MED13: variants seen among roughly 807,000 people sequenced by gnomAD.
MED13 encodes mediator of RNA polymerase II transcription subunit 13.
A neutral mutation model predicts 225.2 loss-of-function variants in MED13; 23 were observed. The ratio of observed to expected loss-of-function variants is 0.10; its 90% CI spans 0.07 to 0.14. The LOEUF is 0.14. Among genes scored for constraint, MED13 ranks in the 10% least tolerant of loss-of-function variants. MED13 has a pLI of 1.00. For synonymous variants in MED13, 942 were observed against 889.2 expected, an observed-to-expected ratio of 1.06 and a Z score of -1.06; for missense variants, 2,197 against 2,594.5, an observed-to-expected ratio of 0.85 and a Z score of 3.33.
intron 27 of MED13, among the ~76,000 whole-genome samples, chr17:61,951,470 T>A (rs1345237746): frequency 6.6e-6 from 1 of 152,210 alleles, no homozygotes; most frequent in African/African-American, 2.4e-5. Flanking sequence ...CCAAGTCACA[T>A]GCATATCCTT....
rs1348092627 is a variant in MED13, at chr17:61,982,389, G to T, written c.3614C>A (p.Ala1205Glu). The T allele has an allele frequency of 1.2e-6, 2 of 1,614,188 alleles. No individual in the cohort carries two copies. The highest frequency in any genetic ancestry group is 1.7e-6 in the Non-Finnish European group (2 of 1,180,036). ...TTTAGGAAAAGGATCTTGGTCTGCTGCTCCAAAGGGTGAAAATAAATTAGT... is the reference window on the plus strand; with the variant it reads ...TTTAGGAAAAGGATCTTGGTCTGCTTCTCCAAAGGGTGAAAATAAATTAGT... ...QCTNLFSPFG[A>E]ADQDPFPKSG... is the part of the protein sequence containing the mutation. Residue 1205 changes from alanine to glutamate, a missense_variant, in exon 16 of 30, where the codon GCA (alanine) becomes GAA (glutamate). Around this residue, in one of 12 missense-constraint regions of MED13, gnomAD observed 203 missense variants for 209.7 expected, o/e 0.97. Coordinates refer to ENST00000397786, the MANE Select transcript of MED13 (RefSeq NM_005121.3).
intron 5 of MED13, among the ~76,000 whole-genome samples, chr17:62,032,650 T>C (rs547081170): frequency 3.2e-4 from 49 of 152,276 alleles, no homozygotes; most frequent in African/African-American, 1.2e-3. Context: ...CTTCACTCCA[T>C]TGTCAGGCTG....
intron 3 of MED13, among the ~76,000 whole-genome samples, chr17:62,050,761 T>C (rs1398814117): frequency 6.6e-6 from 1 of 152,124 alleles, no homozygotes; most frequent in Non-Finnish European, 1.5e-5. Flanking sequence ...CCCAGCACTT[T>C]AGGAGGCCGA....
rs1233330091 is a variant in MED13, at chr17:61,961,682, T to C, written c.5162A>G (p.Gln1721Arg). The change falls in exon 22 of 30, where the codon CAG (glutamine) becomes CGG (arginine). Residue 1721 changes from glutamine to arginine, a missense_variant. Around this residue, in one of 12 missense-constraint regions of MED13, gnomAD observed 457 missense variants for 442.2 expected, o/e 1.03. Coordinates refer to ENST00000397786, the MANE Select transcript of MED13 (RefSeq NM_005121.3). ...TGATGTTGGAAGTGGCCTCCGACAC[T>C]GGGTAAAGGCCGAAAAAGCCAGGGA... ...LKSLAFSAFTQCRRPLPTSTN... is the reference protein window; with the variant it reads ...LKSLAFSAFTRCRRPLPTSTN... The C allele has an allele frequency of 1.2e-6, 2 of 1,614,114 alleles. No individual in the cohort carries two copies. The highest frequency in any genetic ancestry group is 1.7e-5 in the Admixed American group (1 of 60,014).
At chr17:62,018,346 C>T (rs2080603101) in intron 8 of MED13, among the ~76,000 whole-genome samples, 2 of 152,022 alleles carry the variant, frequency 1.3e-5, no homozygotes, top group Admixed American at 6.5e-5. Flanking sequence ...ATTGTAAAAA[C>T]AATACGGTAT....
chr17:62,058,786 T>C (rs2081015721), intron 2 of MED13, among the ~76,000 whole-genome samples: 1 of 152,232 alleles, frequency 6.6e-6, no homozygotes, highest in African/African-American at 2.4e-5. Flanking sequence ...CATCCAGCCT[T>C]TGCAAATTAC....
At chr17:62,042,940 A>G (rs1348821723) in intron 3 of MED13, among the ~76,000 whole-genome samples, 2 of 152,006 alleles carry the variant, frequency 1.3e-5, no homozygotes, top group Admixed American at 6.6e-5. Context: ...ACTTGAGGCT[A>G]GGAGTTAGAG....
At chr17:61,947,962 A>T (rs1216226102) in intron 28 of MED13, among the ~76,000 whole-genome samples, 2 of 152,212 alleles carry the variant, frequency 1.3e-5, no homozygotes, top group Non-Finnish European at 2.9e-5. Flanking sequence ...CAATACATAT[A>T]GAAACTCATG....
chr17:61,982,311 T>C lies in MED13; in HGVS notation c.3692A>G (p.Asp1231Gly). The change falls in exon 16 of 30, where the codon GAC becomes GGC. Residue 1231 changes from aspartate to glycine, a missense_variant. By Grantham distance (94) the Asp-to-Gly change is moderately conservative (BLOSUM62 -1). Around this residue, in one of 12 missense-constraint regions of MED13, gnomAD observed 203 missense variants for 209.7 expected, o/e 0.97. Coordinates refer to ENST00000397786, the MANE Select transcript of MED13 (RefSeq NM_005121.3). ...VRVEERDCCN[D>G]CYLALEHGRQ... ...CCCATGTTCTAATGCAAGGTAGCAG[T>C]CATTGCAACAGTCACGCTCTTCAAC... The C allele has an allele frequency of 6.2e-7, 1 of 1,614,214 alleles. No homozygotes were observed. The highest frequency in any genetic ancestry group is 8.5e-7 in the Non-Finnish European group (1 of 1,180,014).
intron 9 of MED13, chr17:62,006,506 A>T (rs1183334445): frequency 6.6e-6 from 1 of 152,176 alleles, no homozygotes; most frequent in Non-Finnish European, 1.5e-5. Context: ...CATAAAGCGA[A>T]TTATCTGACA....
chr17:62,055,783 C>T lies in MED13; in HGVS notation c.302-3078G>A, dbSNP rs1479922169. 2.0e-5 allele frequency among the ~76,000 whole-genome samples: 3 copies of T among 151,912 alleles called. No individual in the cohort carries two copies. The East Asian group carries it at 5.8e-4, about 29-fold the overall frequency. ...GCTGCAGTAAACCGAGATCACGCCACTGCACTCCAGCCTGGTGACAGAGCA... is the reference window on the plus strand; with the variant it reads ...GCTGCAGTAAACCGAGATCACGCCATTGCACTCCAGCCTGGTGACAGAGCA... On this transcript the variant is annotated intron_variant, in intron 2 of 29. Transcript: ENST00000397786.
In MED13 at chr17:61,962,746, T is replaced by G; in HGVS notation, c.5064+6A>C. ...AATTTTAACTCACAACATCTATCAC[T>G]CTTACCTGTACAGAAACAGTACTCT... On this transcript the variant is annotated splice_donor_region_variant and intron_variant, in intron 21 of 29. Coordinates refer to ENST00000397786, the MANE Select transcript of MED13 (RefSeq NM_005121.3). The G allele has an allele frequency of 6.2e-7, 1 of 1,611,980 alleles. No homozygotes were observed. The highest frequency in any genetic ancestry group is 8.5e-7 in the Non-Finnish European group (1 of 1,178,068).
intron 16 of MED13, among the ~76,000 whole-genome samples, chr17:61,976,856 C>T (rs564349564): frequency 1.3e-3 from 203 of 152,218 alleles, no homozygotes; most frequent in Non-Finnish European, 2.4e-3. Context: ...GGCGTGATCC[C>T]GGTAGGCGGA....
chr17:62,065,019 G>T, intron 1 of MED13, 121 bp downstream of exon 1: 2 of 826,828 alleles, frequency 2.4e-6, no homozygotes, highest in Non-Finnish European at 3.5e-6. Context: ...CAGGGCGCCG[G>T]CTCCGGCTGG....
At chr17:62,020,446 G>A (rs946004193) in intron 8 of MED13, among the ~76,000 whole-genome samples, 7 of 151,760 alleles carry the variant, frequency 4.6e-5, no homozygotes, top group Non-Finnish European at 7.4e-5. Flanking sequence ...GCACGATCTC[G>A]GCTCACTGCA....
intron 17 of MED13, among the ~76,000 whole-genome samples, chr17:61,970,019 C>T (rs1358463177): frequency 6.6e-6 from 1 of 152,154 alleles, no homozygotes; most frequent in Non-Finnish European, 1.5e-5. Flanking sequence ...TAAAAAGATG[C>T]TCTTTCTCAT....
chr17:61,948,025 C>CT (rs1193523439), intron 28 of MED13, among the ~76,000 whole-genome samples: 1 of 152,094 alleles, frequency 6.6e-6, no homozygotes, highest in East Asian at 1.9e-4. Flanking sequence ...TGTCTACAAA[C>CT]TCTTGATTTA....
intron 8 of MED13, among the ~76,000 whole-genome samples, chr17:62,013,199 T>A (rs2080528997): frequency 1.3e-5 from 2 of 151,696 alleles, no homozygotes; most frequent in African/African-American, 4.8e-5. Context: ...ATAGGAGAAA[T>A]CCACCATTAT....
chr17:61,975,928 A>C (rs2080151738), intron 16 of MED13, among the ~76,000 whole-genome samples: 2 of 152,186 alleles, frequency 1.3e-5, no homozygotes, highest in South Asian at 4.1e-4. Flanking sequence ...AGGCGGGAGA[A>C]TTGCTTGAAC....
Sources: gnomAD v4.1 joint callset for allele counts (sites outside exome capture counted in the v4.1 genomes callset) on GRCh38, gnomAD v4.1.1 for gene constraint, gnomAD v4.1.1 regional missense constraint, MANE v1.5 for transcripts, NCBI Gene and HGNC (gene_info 2026-07-23, HGNC 2026-07-21) for gene names.